The following SLC25A13 variants were observed in gnomAD, a reference collection of about 807,000 sequenced individuals.
SLC25A13 encodes electrogenic aspartate/glutamate antiporter SLC25A13, mitochondrial.
Under a neutral mutation model 85.5 loss-of-function variants are expected in SLC25A13, and 70 were observed. That is an observed-to-expected ratio of 0.82 (90% CI 0.68 to 1.00). The LOEUF (loss-of-function observed/expected upper bound fraction) is 1.00, where lower values mean the gene tolerates loss of function less well. SLC25A13 is among the 50% of genes least tolerant of loss of function. The pLI is 0.00. For synonymous variants in SLC25A13, 259 were observed against 288.7 expected, an observed-to-expected ratio of 0.90 and a Z score of 1.04; for missense variants, 765 against 819.8, an observed-to-expected ratio of 0.93 and a Z score of 0.82.
rs1421260641 is a variant in SLC25A13, at chr7:96,121,688, A to G, written c.1808T>C (p.Leu603Pro). 6.8e-6 allele frequency: 11 copies of G among 1,614,116 alleles called. No individual in the cohort carries two copies. The highest frequency in any genetic ancestry group is 9.3e-6 in the Non-Finnish European group (11 of 1,180,056). Reference sequence around the variant, plus strand: ...AAAATCAATGTAGAACCATCGCTGTAGCAATTCGTAAGTCAGCAAAGTTAC... The same window carrying G: ...AAAATCAATGTAGAACCATCGCTGTGGCAATTCGTAAGTCAGCAAAGTTAC... ...FGVTLLTYELLQRWFYIDFGG... is the reference protein window; with the variant it reads ...FGVTLLTYELPQRWFYIDFGG... The change falls in exon 17 of 18, where the codon CTA (leucine) becomes CCA (proline). Residue 603 changes from leucine to proline, a missense_variant. By Grantham distance (98) the Leu-to-Pro change is moderately conservative. Coordinates refer to ENST00000265631, the MANE Select transcript of SLC25A13 (RefSeq NM_014251.3).
At chr7:96,295,340 ACT>A (rs1238405612) in intron 2 of SLC25A13, among the ~76,000 whole-genome samples, 7 of 152,184 alleles carry the variant, frequency 4.6e-5, no homozygotes, top group Admixed American at 6.5e-5. Flanking sequence ...CAAGAGTGAA[ACT>A]CTGTCTCAGA....
At chr7:96,284,122 G>T (rs1345381862) in intron 2 of SLC25A13, among the ~76,000 whole-genome samples, 3 of 151,508 alleles carry the variant, frequency 2.0e-5, no homozygotes, top group African/African-American at 2.4e-5. Context: ...AAATATAGAA[G>T]CACACTGAAT....
intron 3 of SLC25A13, 59 bp from the exon 4 acceptor site, chr7:96,234,976 T>TACAC: frequency 1.6e-6 from 2 of 1,230,150 alleles, no homozygotes; most frequent in Non-Finnish European, 2.4e-6. Flanking sequence ...CAGAAGCATA[T>TACAC]ACAAACATAC....
chr7:96,230,978 G>A (rs772202611), intron 4 of SLC25A13, among the ~76,000 whole-genome samples: 107 of 152,214 alleles, frequency 7.0e-4, no homozygotes, highest in Non-Finnish European at 1.2e-3. Context: ...AGGCATGGTG[G>A]TGCATGCCTA....
chr7:96,143,172 G>A (rs777306516), intron 14 of SLC25A13, among the ~76,000 whole-genome samples: 1 of 152,162 alleles, frequency 6.6e-6, no homozygotes. Context: ...GCTTCCTAAC[G>A]AAGCGTCTTT....
intron 3 of SLC25A13, among the ~76,000 whole-genome samples, chr7:96,237,011 C>A (rs1346366809): frequency 1.3e-5 from 2 of 152,156 alleles, no homozygotes; most frequent in East Asian, 3.9e-4. Flanking sequence ...TCCAAAGGTG[C>A]AACCCATGAA....
At chr7:96,178,862 C>T (rs1473831070) in intron 11 of SLC25A13, among the ~76,000 whole-genome samples, 2 of 152,206 alleles carry the variant, frequency 1.3e-5, no homozygotes, top group South Asian at 2.1e-4. Flanking sequence ...ACTACACTAT[C>T]GCCTTTCAAA....
intron 3 of SLC25A13, among the ~76,000 whole-genome samples, chr7:96,254,833 C>T (rs887746184): frequency 4.6e-5 from 7 of 151,998 alleles, no homozygotes; most frequent in Non-Finnish European, 1.0e-4. Flanking sequence ...AAAAGAATGA[C>T]CTATAAAAAG....
intron 13 of SLC25A13, among the ~76,000 whole-genome samples, chr7:96,151,887 G>A (rs1378327455): frequency 1.3e-5 from 2 of 152,142 alleles, no homozygotes; most frequent in African/African-American, 2.4e-5. Context: ...GGAGGTTGCA[G>A]TGAGCCAAGA....
intron 3 of SLC25A13, among the ~76,000 whole-genome samples, chr7:96,256,042 A>C (rs1395883405): frequency 6.6e-6 from 1 of 152,164 alleles, no homozygotes; most frequent in African/African-American, 2.4e-5. Context: ...TATCGTCACC[A>C]CCAGGCCGGC....
Position 96,120,918 on chromosome 7 carries a change from C to T in SLC25A13, c.*273G>A. 1 of 566,048 alleles carries T rather than the reference C, an allele frequency of 1.8e-6. No individual in the cohort carries two copies. The highest frequency in any genetic ancestry group is 3.3e-6 in the Non-Finnish European group (1 of 300,436). The allele number at this position is 566,048 out of a possible 1,614,324, so 35.1% of individuals were successfully genotyped here. A position where few individuals can be genotyped will look rare whatever the true frequency, so the allele number is the denominator to read the frequency against. On this transcript the variant is annotated 3_prime_UTR_variant, in exon 18 of 18. Coordinates refer to ENST00000265631, the MANE Select transcript of SLC25A13 (RefSeq NM_014251.3). ...TTTCTATTCTGACTTGCTCCTTTCC[C>T]CAAATCATGTTAGTGTTGACCAAAT...
At chr7:96,213,869 C>T (rs1795790885) in intron 4 of SLC25A13, among the ~76,000 whole-genome samples, 1 of 152,110 alleles carries the variant, frequency 6.6e-6, no homozygotes, top group African/African-American at 2.4e-5. Flanking sequence ...TATATAAAGT[C>T]ATATTTTTCT....
At chr7:96,198,948 C>A (rs1467275267) in intron 5 of SLC25A13, among the ~76,000 whole-genome samples, 1 of 152,102 alleles carries the variant, frequency 6.6e-6, no homozygotes, top group Admixed American at 6.5e-5. Context: ...AAGAGGCACA[C>A]AAAAGAAAGC....
At chr7:96,204,382 T>C (rs912877801) in intron 5 of SLC25A13, among the ~76,000 whole-genome samples, 9 of 152,018 alleles carry the variant, frequency 5.9e-5, no homozygotes, top group African/African-American at 2.2e-4. Context: ...AATAAAAAAA[T>C]TGGCAAAGCA....
chr7:96,277,132 T>G (rs537251693), intron 3 of SLC25A13, 64 bp downstream of exon 3: 1 of 1,492,002 alleles, frequency 6.7e-7, no homozygotes, highest in African/African-American at 1.4e-5. Flanking sequence ...TTCCTGGTCA[T>G]TAGAGCAAAA....
intron 3 of SLC25A13, among the ~76,000 whole-genome samples, chr7:96,246,842 A>G (rs1281282402): frequency 6.6e-6 from 1 of 152,234 alleles, no homozygotes; most frequent in Non-Finnish European, 1.5e-5. Flanking sequence ...GAGCCAGAAT[A>G]TCACAAAAAA....
At position 96,171,498 on chromosome 7, in the gene SLC25A13, C is replaced by A; in HGVS notation, c.1204G>T (p.Ala402Ser). ...RGLLPQLLGV[A>S]PEKAIKLTVN... ...GTAAGTTTTATGGCCTTCTCTGGGG[C>A]AACTCCCAATAACTGTGGCAACAGA... is the stretch of plus-strand genomic sequence containing the variant. Residue 402 changes from alanine to serine, a missense_variant, in exon 12 of 18, where the codon GCC becomes TCC. By Grantham distance (99) the Ala-to-Ser change is moderately conservative. Transcript: ENST00000265631. The A allele has an allele frequency of 6.2e-7, 1 of 1,613,414 alleles. No homozygotes were observed. The highest frequency in any genetic ancestry group is 8.5e-7 in the Non-Finnish European group (1 of 1,179,466).
chr7:96,288,281 T>C (rs1400394373), intron 2 of SLC25A13, among the ~76,000 whole-genome samples: 1 of 152,080 alleles, frequency 6.6e-6, no homozygotes, highest in Non-Finnish European at 1.5e-5. Flanking sequence ...AATACAAAAA[T>C]TGGTGGATGG....
chr7:96,194,101 A>G (rs927611861), intron 5 of SLC25A13, among the ~76,000 whole-genome samples: 1 of 152,062 alleles, frequency 6.6e-6, no homozygotes, highest in South Asian at 2.1e-4. Flanking sequence ...TCATTTCCCA[A>G]ACAGGGCCCT....
Sources: gnomAD v4.1 joint callset for allele counts (sites outside exome capture counted in the v4.1 genomes callset) on GRCh38, gnomAD v4.1.1 for gene constraint, MANE v1.5 for transcripts, NCBI Gene and HGNC (gene_info 2026-07-23, HGNC 2026-07-21) for gene names.